PLCL2: variants seen among roughly 807,000 people sequenced by gnomAD.
PLCL2 encodes the protein inactive phospholipase C-like protein 2.
PLCL2 carries 4 observed loss-of-function variants against 79.6 expected under a neutral mutation model. The observed-to-expected ratio is 0.05, with a 90% confidence interval of 0.02 to 0.11. PLCL2 has a LOEUF of 0.11. Ranked by LOEUF, PLCL2 falls within the 10% of genes least tolerant of loss-of-function variation. The pLI is 1.00. For missense variants in PLCL2, 895 were observed against 1,291.0 expected (o/e 0.69, Z 4.70); for synonymous variants, 484 against 457.7 (o/e 1.06, Z -0.73).
intron 1 of PLCL2, among the ~76,000 whole-genome samples, chr3:16,939,273 A>T (rs1235762026): frequency 6.6e-6 from 1 of 152,200 alleles, no homozygotes; most frequent in Non-Finnish European, 1.5e-5. Context: ...AGGTCTATTG[A>T]TATAGAAACA....
In PLCL2 at chr3:17,005,425, A is replaced by G. The variant is rs1191637349; in HGVS notation, c.328-4249A>G. Among the ~76,000 whole-genome samples, 2 of 152,214 alleles carry G rather than the reference A, an allele frequency of 1.3e-5. 1 individual carries two copies. Among genetic ancestry groups the G allele is most frequent in the Admixed American group, 1.3e-4 (2 of 15,284 alleles). ...ACCCATGCCCATTTATGAAATTGCCACTACCTAAGTATCCCAGATGGTAAT... is the reference window on the plus strand; with the variant it reads ...ACCCATGCCCATTTATGAAATTGCCGCTACCTAAGTATCCCAGATGGTAAT... On this transcript the variant is annotated intron_variant, in intron 1 of 5. Transcript: ENST00000615277.
At position 17,089,858 on chromosome 3, in the gene PLCL2, A is replaced by G. The variant is rs2065255415; in HGVS notation, c.3330A>G (p.Pro1110=). ...CCGAAAATGCTGATGTCCAGAAGCC[A>G]CGCCGGAGCTTGGAAGTCATACCCG... The part of the protein sequence containing the change: ...PGTENADVQK[P]RRSLEVIPEK... The change falls in exon 6 of 6, where the codon CCA becomes CCG. Residue 1110 remains proline (P), a synonymous_variant. Transcript: ENST00000615277. The G allele has an allele frequency of 6.2e-7, 1 of 1,614,080 alleles. No homozygotes were observed.
At position 16,887,669 on chromosome 3, in the gene PLCL2, A is replaced by G. The variant is rs1696255677; in HGVS notation, c.327+2303A>G. Reference sequence around the variant, plus strand: ...GAATGTATTGTGGTATTTTCTAAAGATAACTTCCAGCATCAGGACAATATC... The same window carrying G: ...GAATGTATTGTGGTATTTTCTAAAGGTAACTTCCAGCATCAGGACAATATC... On this transcript the variant is annotated intron_variant, in intron 1 of 5. Transcript: ENST00000615277. This position sits in a 1 kb window ranked among gnomAD's most constrained non-coding sequence, Gnocchi z 4.1. 6.6e-6 allele frequency among the ~76,000 whole-genome samples: 1 copy of G among 152,236 alleles called. No individual in the cohort carries two copies. The highest frequency in any genetic ancestry group is 6.5e-5 in the Admixed American group (1 of 15,286).
At chr3:16,952,058 C>T (rs983958652) in intron 1 of PLCL2, among the ~76,000 whole-genome samples, 21 of 151,820 alleles carry the variant, frequency 1.4e-4, no homozygotes, top group African/African-American at 4.8e-4. Flanking sequence ...TGAGGACTTA[C>T]AAATATATCA....
At chr3:17,079,297 T>C (rs1258728835) in intron 5 of PLCL2, among the ~76,000 whole-genome samples, 14 of 152,128 alleles carry the variant, frequency 9.2e-5, no homozygotes, top group Admixed American at 7.9e-4. Context: ...CCTTCTGTGC[T>C]TAGGTCATGG....
chr3:16,980,736 C>T (rs1314475172), intron 1 of PLCL2, among the ~76,000 whole-genome samples: 2 of 152,178 alleles, frequency 1.3e-5, no homozygotes, highest in Non-Finnish European at 2.9e-5. Context: ...GACGGGGTGG[C>T]GGCCGGGCAG....
chr3:16,964,341 T>G (rs12330362), intron 1 of PLCL2, among the ~76,000 whole-genome samples: 91,553 of 151,872 alleles, frequency 0.6, 28,068 homozygotes, highest in African/African-American at 0.71. Context: ...CCCTACAAAG[T>G]ACATGAACTC....
rs547582289 is a variant in PLCL2, at chr3:16,904,306, C to CAA, written c.327+18950_327+18951dup. Among the ~76,000 whole-genome samples the CAA allele has an allele frequency of 5.4e-4, 63 of 116,116 alleles. 1 individual carries two copies. Among genetic ancestry groups the CAA allele is most frequent in the African/African-American group, 2.1e-3 (63 of 30,192 alleles). 76.2% of individuals were successfully genotyped at this position (116,116 alleles called of 152,430 possible). A position where few individuals can be genotyped will look rare whatever the true frequency, so the allele number is the denominator to read the frequency against. On this transcript the variant is annotated intron_variant, in intron 1 of 5. Coordinates refer to ENST00000615277, the MANE Select transcript of PLCL2 (RefSeq NM_001144382.2). ...CCTTAACCTTTTCAAGAGATCTTGACAAAAAAAAAAAGCAAACTTTGGAGT... is the reference window on the plus strand; with the variant it reads ...CCTTAACCTTTTCAAGAGATCTTGACAAAAAAAAAAAAAGCAAACTTTGGAGT...
chr3:16,982,033 G>A (rs1292913375), intron 1 of PLCL2, among the ~76,000 whole-genome samples: 1 of 152,084 alleles, frequency 6.6e-6, no homozygotes, highest in Non-Finnish European at 1.5e-5. Flanking sequence ...CTAAAAATAC[G>A]TTTTCTGGTT....
chr3:16,999,799 T>C (rs1247414825), intron 1 of PLCL2, among the ~76,000 whole-genome samples: 1 of 151,868 alleles, frequency 6.6e-6, no homozygotes, highest in Non-Finnish European at 1.5e-5. Flanking sequence ...ATTAATAAAA[T>C]TGTGTTACTT....
At chr3:17,004,964 A>G (rs2064246233) in intron 1 of PLCL2, among the ~76,000 whole-genome samples, 1 of 151,024 alleles carries the variant, frequency 6.6e-6, no homozygotes. Flanking sequence ...CTTTGTTTTC[A>G]TACTACACCC....
At chr3:16,969,149 T>C (rs552286301) in intron 1 of PLCL2, among the ~76,000 whole-genome samples, 2 of 152,310 alleles carry the variant, frequency 1.3e-5, no homozygotes, top group East Asian at 3.9e-4. Flanking sequence ...TTTGCTAGTA[T>C]TTTGTTGAGA....
chr3:16,914,954 A>G (rs986091897), intron 1 of PLCL2, among the ~76,000 whole-genome samples: 2 of 152,106 alleles, frequency 1.3e-5, no homozygotes, highest in African/African-American at 4.8e-5. Context: ...CTGGTCTTGA[A>G]CACCTATCCT....
intron 4 of PLCL2, among the ~76,000 whole-genome samples, chr3:17,049,293 T>C (rs1037578452): frequency 1.3e-5 from 2 of 152,210 alleles, no homozygotes; most frequent in Non-Finnish European, 2.9e-5. Flanking sequence ...GAGGTTTGGC[T>C]TAAAAAATGT....
At chr3:17,072,701 T>C (rs2065072726) in intron 5 of PLCL2, among the ~76,000 whole-genome samples, 1 of 151,718 alleles carries the variant, frequency 6.6e-6, no homozygotes, top group African/African-American at 2.4e-5. Context: ...AATATGAGCA[T>C]TCTCTAATAT....
At chr3:17,022,931 T>C (rs1317201557) in intron 3 of PLCL2, among the ~76,000 whole-genome samples, 2 of 152,220 alleles carry the variant, frequency 1.3e-5, no homozygotes, top group African/African-American at 4.8e-5. Context: ...GGACTGTAAA[T>C]GCTAAGCTCT....
intron 1 of PLCL2, among the ~76,000 whole-genome samples, chr3:16,924,927 G>GTTT (rs768458330): frequency 1.3e-5 from 2 of 149,000 alleles, no homozygotes; most frequent in African/African-American, 2.5e-5. Flanking sequence ...ATACAAGTTT[G>GTTT]TTTGTTTTTT....
chr3:16,971,590 T>C (rs1172543763), intron 1 of PLCL2, among the ~76,000 whole-genome samples: 1 of 152,162 alleles, frequency 6.6e-6, no homozygotes, highest in African/African-American at 2.4e-5. Flanking sequence ...GTGAAGAAAG[T>C]CATTGGTAGC....
At chr3:16,974,600 A>G (rs1447754328) in intron 1 of PLCL2, among the ~76,000 whole-genome samples, 3 of 152,222 alleles carry the variant, frequency 2.0e-5, no homozygotes, top group African/African-American at 4.8e-5. Context: ...GCACCTTAAC[A>G]TACAAGTAAG....
Sources: allele counts gnomAD v4.1 joint callset (sites outside exome capture counted in the v4.1 genomes callset), GRCh38; gene constraint gnomAD v4.1.1; non-coding constraint Gnocchi (gnomAD v3.1); transcripts MANE v1.5; gene names NCBI Gene and HGNC (gene_info 2026-07-23, HGNC 2026-07-21).